ANO10: variants seen among roughly 807,000 people sequenced by gnomAD.
The protein encoded by ANO10 is anoctamin 10.
A neutral mutation model predicts 74.7 loss-of-function variants in ANO10; 77 were observed. The ratio of observed to expected loss-of-function variants is 1.03; its 90% CI spans 0.86 to 1.25. The LOEUF is 1.25. Ranked by LOEUF, ANO10 falls within the 50% of genes most tolerant of loss-of-function variation. The pLI is 0.00. For synonymous variants in ANO10, 279 were observed against 284.9 expected (o/e 0.98, Z 0.21); for missense variants, 721 against 778.1 (o/e 0.93, Z 0.87).
intron 1 of ANO10, among the ~76,000 whole-genome samples, chr3:43,665,694 T>C (rs186960353): frequency 1.3e-5 from 2 of 152,312 alleles, no homozygotes. Flanking sequence ...GAACACAATA[T>C]GAGTAATTCG....
At chr3:43,417,021 A>T (rs937827) in intron 12 of ANO10, among the ~76,000 whole-genome samples, 16 of 152,228 alleles carry the variant, frequency 1.1e-4, no homozygotes, top group Admixed American at 9.8e-4. Context: ...ATGTGCCCAA[A>T]GCTGTGCTAG....
At chr3:43,418,553 C>T (rs1177846917) in intron 12 of ANO10, among the ~76,000 whole-genome samples, 1 of 152,200 alleles carries the variant, frequency 6.6e-6, no homozygotes, top group African/African-American at 2.4e-5. Flanking sequence ...TTACTCATCA[C>T]CTGGCTTCAA....
intron 11 of ANO10, among the ~76,000 whole-genome samples, chr3:43,448,929 T>C (rs1199534885): frequency 6.7e-6 from 1 of 150,226 alleles, no homozygotes; most frequent in Non-Finnish European, 1.5e-5. Context: ...TGGAGCGCAG[T>C]GGTGCGATCT....
chr3:43,460,594 T>C, intron 11 of ANO10, among the ~76,000 whole-genome samples: 1 of 152,154 alleles, frequency 6.6e-6, no homozygotes, highest in Non-Finnish European at 1.5e-5. Context: ...ACCCATATCA[T>C]GAAGGCCTGA....
At chr3:43,610,498 T>A (rs1212625753) in intron 1 of ANO10, among the ~76,000 whole-genome samples, 1 of 152,212 alleles carries the variant, frequency 6.6e-6, no homozygotes, top group Non-Finnish European at 1.5e-5. Context: ...TTTATGCAAC[T>A]GGCAGCGCAG....
chr3:43,511,379 T>A (rs2077502611), intron 11 of ANO10, among the ~76,000 whole-genome samples: 1 of 152,220 alleles, frequency 6.6e-6, no homozygotes, highest in South Asian at 2.1e-4. Context: ...GTCCTAGCTC[T>A]AGGCTGACAT....
chr3:43,514,221 A>C (rs1007160631), intron 11 of ANO10, among the ~76,000 whole-genome samples: 1 of 152,108 alleles, frequency 6.6e-6, no homozygotes. Context: ...AAAATACAAG[A>C]CCTAATGATA....
chr3:43,525,369 C>G (rs1225739492), intron 11 of ANO10, among the ~76,000 whole-genome samples: 1 of 152,184 alleles, frequency 6.6e-6, no homozygotes, highest in Non-Finnish European at 1.5e-5. Context: ...CTTTCAGACT[C>G]CGGACAAGGT....
In ANO10 at chr3:43,613,541, C is replaced by T. The variant is rs533785125; in HGVS notation, c.-11-7678G>A. Among the ~76,000 whole-genome samples the T allele has an allele frequency of 2.6e-5, 4 of 152,270 alleles. No individual in the cohort carries two copies. In the East Asian group the frequency reaches 5.8e-4, roughly 22 times the overall value. ...TTTACATCTGATCCAATGGCCAGTACGTTCTTGTAGGTTTCTGAGCAGAGG... is the reference window on the plus strand; with the variant it reads ...TTTACATCTGATCCAATGGCCAGTATGTTCTTGTAGGTTTCTGAGCAGAGG... On this transcript the variant is annotated intron_variant, in intron 1 of 12. Transcript: ENST00000292246.
intron 1 of ANO10, among the ~76,000 whole-genome samples, chr3:43,677,667 C>T (rs60328663): frequency 0.051 from 7,693 of 152,202 alleles, 291 homozygotes; most frequent in South Asian, 0.12. Flanking sequence ...AGGTGGTGGG[C>T]GGGCTGGGAA....
intron 12 of ANO10, among the ~76,000 whole-genome samples, chr3:43,398,583 T>C (rs1043969177): frequency 6.6e-6 from 1 of 152,192 alleles, no homozygotes; most frequent in African/African-American, 2.4e-5. Context: ...ACCAGGCAAA[T>C]ATTGACTTGG....
intron 1 of ANO10, among the ~76,000 whole-genome samples, chr3:43,685,196 T>C (rs1004773905): frequency 2.0e-4 from 31 of 152,366 alleles, no homozygotes; most frequent in Non-Finnish European, 3.5e-4. Context: ...AGATCTCTAG[T>C]GACATCTTCT....
At chr3:43,520,929 G>A (rs1043207860) in intron 11 of ANO10, among the ~76,000 whole-genome samples, 3 of 152,024 alleles carry the variant, frequency 2.0e-5, no homozygotes, top group Admixed American at 1.3e-4. Context: ...AAATGGAATT[G>A]TGTTCTTAAT....
At chr3:43,450,580 C>T (rs527253541) in intron 11 of ANO10, among the ~76,000 whole-genome samples, 1 of 152,170 alleles carries the variant, frequency 6.6e-6, no homozygotes, top group South Asian at 2.1e-4. Context: ...TTCACCTATG[C>T]CAGAATTATA....
chr3:43,625,229 T>G (rs1350191844), upstream of ANO10, among the ~76,000 whole-genome samples: 1 of 152,226 alleles, frequency 6.6e-6, no homozygotes, highest in Non-Finnish European at 1.5e-5. Context: ...TGCAGCAGAC[T>G]TTTTTCCTGG....
intron 12 of ANO10, among the ~76,000 whole-genome samples, chr3:43,395,039 T>A (rs2092351734): frequency 6.6e-6 from 1 of 152,108 alleles, no homozygotes; most frequent in African/African-American, 2.4e-5. Flanking sequence ...GAAGAAAGGG[T>A]ACAAGGTAAG....
chr3:43,578,546 TCAAGAC>T (rs2149407378), intron 5 of ANO10, among the ~76,000 whole-genome samples: 1 of 152,078 alleles, frequency 6.6e-6, no homozygotes, highest in South Asian at 2.1e-4. Context: ...GGTCAGGAGT[TCAAGAC>T]CAGCCTGGCC....
At chr3:43,469,038 CT>C (rs371985258) in intron 11 of ANO10, among the ~76,000 whole-genome samples, 56 of 70,366 alleles carry the variant, frequency 8.0e-4, no homozygotes, top group African/African-American at 1.8e-3. Context: ...CAATTAGCTG[CT>C]TTTTTTTTTT....
intron 2 of ANO10, 55 bp downstream of exon 2, chr3:43,605,659 T>G (rs2082525748): frequency 6.3e-7 from 1 of 1,594,386 alleles, no homozygotes. Context: ...TGTGGGAGGC[T>G]GAGCATACAG....
Sources: gnomAD v4.1 joint callset for allele counts (sites outside exome capture counted in the v4.1 genomes callset) on GRCh38, gnomAD v4.1.1 for gene constraint, MANE v1.5 for transcripts, NCBI Gene and HGNC (gene_info 2026-07-23, HGNC 2026-07-21) for gene names.